Variants in UPB1 observed in about 807,000 individuals in gnomAD.
UPB1 encodes the protein beta-ureidopropionase 1.
In UPB1, 40 loss-of-function variants were observed where a neutral mutation model predicts 49.1. The ratio of observed to expected loss-of-function variants is 0.81; its 90% CI spans 0.63 to 1.06. The LOEUF (loss-of-function observed/expected upper bound fraction) is 1.06, where lower values mean the gene tolerates loss of function less well. Ranked by LOEUF, UPB1 falls within the 50% of genes least tolerant of loss-of-function variation. The pLI, the probability that UPB1 is intolerant of heterozygous loss-of-function variation, is 0.00. For synonymous variants in UPB1, 207 were observed against 198.2 expected, an observed-to-expected ratio of 1.04 and a Z score of -0.38; for missense variants, 499 against 505.9, an observed-to-expected ratio of 0.99 and a Z score of 0.13.
chr22:24,525,209 A>AGGAGGGAG (rs1166811169), intron 9 of UPB1, among the ~76,000 whole-genome samples: 1 of 140,952 alleles, frequency 7.1e-6, no homozygotes, highest in Non-Finnish European at 1.6e-5. Flanking sequence ...ACCTTGGGAA[A>AGGAGGGAG]GGAGGGAGGG....
chr22:24,524,233 T>G (rs2044445464), intron 9 of UPB1, among the ~76,000 whole-genome samples: 2 of 152,164 alleles, frequency 1.3e-5, no homozygotes, highest in African/African-American at 4.8e-5. Flanking sequence ...GCCACAGCCT[T>G]CCTTCCTTGG....
At chr22:24,513,128 AC>A (rs1314255075) in intron 4 of UPB1, among the ~76,000 whole-genome samples, 195 bp from the exon 5 acceptor site, 7 of 152,248 alleles carry the variant, frequency 4.6e-5, no homozygotes, top group Non-Finnish European at 1.0e-4. Flanking sequence ...ATTTTACTCT[AC>A]CACCAACTGT....
intron 5 of UPB1, 129 bp from the exon 6 acceptor site, chr22:24,515,072 T>A (rs1229384275): frequency 4.1e-6 from 5 of 1,229,180 alleles, no homozygotes; most frequent in Non-Finnish European, 5.8e-6. Context: ...CATATTGAAA[T>A]TCTGGAACTT....
In UPB1 at chr22:24,499,384, G is replaced by A. The variant is rs111256138; in HGVS notation, c.105-723G>A. ...CCATGCCTCTGTGGCTTTCACCTTC[G>A]GGTGTGCAACAGGTATCAGGAGGTA... On this transcript the variant is annotated intron_variant, in intron 1 of 9. Transcript: ENST00000326010. Among the ~76,000 whole-genome samples the A allele has an allele frequency of 7.5e-3, 1,143 of 152,246 alleles. 20 individuals carry two copies. Among genetic ancestry groups the A allele is most frequent in the African/African-American group, 0.026 (1,073 of 41,528 alleles).
rs534547729 is a variant in UPB1 at position 24,498,052 on chromosome 22, G to T, written c.105-2055G>T. Among the ~76,000 whole-genome samples, 16 of 152,264 alleles carry T rather than the reference G, an allele frequency of 1.1e-4. No homozygotes were observed. The South Asian group carries it at 3.1e-3, about 30-fold the overall frequency. ...GAATTTATTCCTCACAGTTCTGAAT[G>T]CTATGAAGTCCAAGATCAAGGTGCC... On this transcript the variant is annotated intron_variant, in intron 1 of 9. Transcript: ENST00000326010.
intron 6 of UPB1, among the ~76,000 whole-genome samples, chr22:24,515,783 C>T (rs1385453096): frequency 6.6e-6 from 1 of 152,158 alleles, no homozygotes; most frequent in Non-Finnish European, 1.5e-5. Flanking sequence ...TGAGACCAGC[C>T]TAGCCAACGT....
chr22:24,523,179 T>C (rs1006089305), intron 8 of UPB1, among the ~76,000 whole-genome samples: 12 of 152,104 alleles, frequency 7.9e-5, no homozygotes, highest in Non-Finnish European at 1.2e-4. Context: ...ACCTGCTCCT[T>C]ACACATGTGT....
intron 2 of UPB1, among the ~76,000 whole-genome samples, chr22:24,500,549 C>A (rs1331154743): frequency 6.6e-6 from 1 of 152,256 alleles, no homozygotes; most frequent in Non-Finnish European, 1.5e-5. Flanking sequence ...ATTTACCAAC[C>A]GGGAGGGTGC....
At position 24,515,344 on chromosome 22, in the gene UPB1, C is replaced by T. The variant is rs765997452; in HGVS notation, c.765C>T (p.Asn255=). The change falls in exon 6 of 10, where the codon AAC becomes AAT. Residue 255 remains asparagine (N), a synonymous_variant. Coordinates refer to ENST00000326010, the MANE Select transcript of UPB1 (RefSeq NM_016327.3). The part of the protein sequence containing the change: ...YSINGAEIIF[N]PSATIGALSE... ...TCAACGGGGCTGAGATCATCTTCAA[C>T]CCCTCGGCCACGATAGGAGCACTCA... 6.2e-7 allele frequency: 1 copy of T among 1,614,152 alleles called. No individual in the cohort carries two copies. The highest frequency in any genetic ancestry group is 1.1e-5 in the South Asian group (1 of 91,082).
intron 4 of UPB1, 47 bp downstream of exon 4, chr22:24,510,890 A>C: frequency 1.3e-6 from 2 of 1,592,222 alleles, no homozygotes; most frequent in Non-Finnish European, 1.7e-6. Context: ...AATATGTGCA[A>C]GTCACAGAGC....
intron 3 of UPB1, among the ~76,000 whole-genome samples, chr22:24,508,497 T>A (rs1339388837): frequency 6.6e-6 from 1 of 151,232 alleles, no homozygotes; most frequent in Non-Finnish European, 1.5e-5. Context: ...AGGTGGAGGT[T>A]GCAATGAGCC....
At chr22:24,517,458 C>T (rs997157553) in intron 6 of UPB1, among the ~76,000 whole-genome samples, 2 of 152,238 alleles carry the variant, frequency 1.3e-5, no homozygotes, top group East Asian at 3.8e-4. Flanking sequence ...TCCATCTTCC[C>T]ACTGGGGTCC....
rs557420540 is a variant in UPB1, at chr22:24,497,692, G to A, written c.104+2185G>A. Among the ~76,000 whole-genome samples the A allele has an allele frequency of 5.3e-4, 81 of 152,334 alleles. No homozygotes were observed. The South Asian group carries it at 0.015, about 28-fold the overall frequency. On this transcript the variant is annotated intron_variant, in intron 1 of 9. Coordinates refer to ENST00000326010, the MANE Select transcript of UPB1 (RefSeq NM_016327.3). ...GGGCAGGCAGTGGCAGCAGGAGGCC[G>A]TCTGTGAGGTTATGGCTCATTTGCT...
At chr22:24,511,633 A>G (rs2044206715) in intron 4 of UPB1, among the ~76,000 whole-genome samples, 1 of 45,020 alleles carries the variant, frequency 2.2e-5, no homozygotes, top group African/African-American at 6.7e-5. Flanking sequence ...TTTTTTTTTG[A>G]GATGGAGTCT....
At chr22:24,512,212 A>G (rs987157798) in intron 4 of UPB1, among the ~76,000 whole-genome samples, 3 of 152,020 alleles carry the variant, frequency 2.0e-5, no homozygotes, top group Non-Finnish European at 4.4e-5. Flanking sequence ...TGGTTAGGGG[A>G]CTTTTGCAGA....
chr22:24,502,136 T>C lies in UPB1; in HGVS notation c.287T>C (p.Leu96Pro). 2 of 1,614,228 alleles carry C rather than the reference T, an allele frequency of 1.2e-6. No individual in the cohort carries two copies. Among genetic ancestry groups the C allele is most frequent in the Non-Finnish European group, 1.7e-6 (2 of 1,180,038 alleles). ...TTTTTAAATTCTCAGGTCTCTGCCC[T>C]TCATAGACGCATAAAGGCTATCGTA... Reference protein sequence around the residue: ...NAPVAEQVSALHRRIKAIVEV... With the variant: ...NAPVAEQVSAPHRRIKAIVEV... The change falls in exon 3 of 10, where the codon CTT (leucine) becomes CCT (proline). Residue 96 changes from leucine (L) to proline (P), a missense_variant. Coordinates refer to ENST00000326010, the MANE Select transcript of UPB1 (RefSeq NM_016327.3).
chr22:24,496,266 C>T (rs1012582391), intron 1 of UPB1, among the ~76,000 whole-genome samples: 21 of 151,918 alleles, frequency 1.4e-4, no homozygotes, highest in African/African-American at 4.8e-4. Flanking sequence ...AGCTACATGG[C>T]AGGCTGAGGC....
chr22:24,509,389 A>G (rs2044153505), intron 3 of UPB1, among the ~76,000 whole-genome samples: 1 of 116,960 alleles, frequency 8.5e-6, no homozygotes, highest in African/African-American at 3.0e-5. Context: ...AAAAAAAAAA[A>G]AAAAAAAGCA....
At chr22:24,496,372 A>AACACACACACACACACACAC (rs60159909) in intron 1 of UPB1, among the ~76,000 whole-genome samples, 10 of 141,624 alleles carry the variant, frequency 7.1e-5, no homozygotes, top group South Asian at 2.3e-4. Context: ...CCCTGTCTCA[A>AACACACACACACACACACAC]ACACACACAC....
Sources: gnomAD v4.1 joint callset for allele counts (sites outside exome capture counted in the v4.1 genomes callset) on GRCh38, gnomAD v4.1.1 for gene constraint, MANE v1.5 for transcripts, NCBI Gene and HGNC (gene_info 2026-07-23, HGNC 2026-07-21) for gene names.